MAP2: variants seen among roughly 807,000 people sequenced by gnomAD.
MAP2 encodes microtubule-associated protein 2.
MAP2 carries 14 observed loss-of-function variants against 137.6 expected under a neutral mutation model. The ratio of observed to expected loss-of-function variants is 0.10; its 90% CI spans 0.07 to 0.16. MAP2 has a LOEUF of 0.16. MAP2 is among the 10% of genes least tolerant of loss of function. The pLI is 1.00. For synonymous variants in MAP2, 786 were observed against 782.3 expected (o/e 1.00, Z -0.08); for missense variants, 2,088 against 2,191.5 (o/e 0.95, Z 0.94).
Position 209,678,714 on chromosome 2 carries a change from C to CTG in MAP2, c.376+33_376+34dup, listed in dbSNP as rs757346824. On this transcript the variant is annotated intron_variant, in intron 6 of 15. Coordinates refer to ENST00000682079, the MANE Select transcript of MAP2 (RefSeq NM_001375505.1). ...AATAAGAAGATTCTCAGGTCAGGGACTGTGTCTGTTGCACCCTGATCACAG... is the reference window on the plus strand; with the variant it reads ...AATAAGAAGATTCTCAGGTCAGGGACTGTGTGTCTGTTGCACCCTGATCACAG... 2.5e-5 allele frequency: 35 copies of CTG among 1,383,078 alleles called. No individual in the cohort carries two copies. The Admixed American group carries it at 3.8e-4, about 15-fold the overall frequency. 85.7% of individuals were successfully genotyped at this position (1,383,078 alleles called of 1,614,324 possible).
In MAP2 at chr2:209,697,086, A is replaced by G. The variant is rs763705792; in HGVS notation, c.4522+35A>G. 2.6e-6 allele frequency: 4 copies of G among 1,536,116 alleles called. No individual in the cohort carries two copies. In the Admixed American group the frequency reaches 7.1e-5, roughly 27 times the overall value. ...CAATTCTGCAATGTGACTGGCAAAC[A>G]TAGACATGTATTTTTTTTTTAAATC... On this transcript the variant is annotated intron_variant, in intron 10 of 15. Transcript: ENST00000682079.
chr2:209,723,637 T>C, intron 13 of MAP2: 1 of 1,614,056 alleles, frequency 6.2e-7, no homozygotes, highest in Admixed American at 1.7e-5. Flanking sequence ...CAAAGTTCAG[T>C]CCAGATGTGG....
intron 1 of MAP2, among the ~76,000 whole-genome samples, chr2:209,431,667 C>T (rs1694322319): frequency 6.6e-6 from 1 of 152,076 alleles, no homozygotes; most frequent in African/African-American, 2.4e-5. Flanking sequence ...AATTCAGGCT[C>T]AAACTCAGTG....
At chr2:209,512,982 C>A (rs1165419662) in intron 2 of MAP2, among the ~76,000 whole-genome samples, 1 of 151,974 alleles carries the variant, frequency 6.6e-6, no homozygotes, top group East Asian at 1.9e-4. Context: ...TTTAAACTGG[C>A]CAGAAAGTAA....
In MAP2 at chr2:209,693,407, G is replaced by A. The variant is rs2059440231; in HGVS notation, c.1237G>A (p.Glu413Lys). The A allele has an allele frequency of 6.8e-6, 11 of 1,613,214 alleles. No homozygotes were observed. The highest frequency in any genetic ancestry group is 6.8e-6 in the Non-Finnish European group (8 of 1,179,840). Residue 413 changes from glutamate to lysine, a missense_variant, in exon 8 of 16, where the codon GAG becomes AAG. Around this residue, in one of 6 missense-constraint regions of MAP2, gnomAD observed 859 missense variants for 794.5 expected, o/e 1.08. Transcript: ENST00000682079. ...GGGGAAAGTTTTAGAGGAAGAAAAG[G>A]AGGCCATAAATCAAGAGACTGTGCA... ...VMGKVLEEEK[E>K]AINQETVQQR...
At chr2:209,641,668 A>T (rs2094031957) in intron 4 of MAP2, among the ~76,000 whole-genome samples, 1 of 151,612 alleles carries the variant, frequency 6.6e-6, no homozygotes, top group Admixed American at 6.6e-5. Context: ...TAATTCCTTA[A>T]TTAAATATCA....
intron 2 of MAP2, among the ~76,000 whole-genome samples, chr2:209,553,343 T>C (rs535129935): frequency 3.6e-4 from 55 of 152,264 alleles, no homozygotes; most frequent in African/African-American, 1.3e-3. Context: ...GGCAGTATGG[T>C]ACAGCGAGAA....
In MAP2 at chr2:209,730,529, T is replaced by A; in HGVS notation, c.*132T>A. The stretch of plus-strand genomic sequence containing the variant: ...AATCTCATCCCCAAACTGTAGTAAT[T>A]GTTACAATTTTCTATTTAAAAAATG... On this transcript the variant is annotated 3_prime_UTR_variant, in exon 16 of 16. Coordinates refer to ENST00000682079, the MANE Select transcript of MAP2 (RefSeq NM_001375505.1). 1 of 670,714 alleles carries A rather than the reference T, an allele frequency of 1.5e-6. No homozygotes were observed. Among genetic ancestry groups the A allele is most frequent in the Middle Eastern group, 3.7e-4 (1 of 2,682 alleles). 41.5% of individuals were successfully genotyped at this position (670,714 alleles called of 1,614,324 possible). A position where few individuals can be genotyped will look rare whatever the true frequency, so the allele number is the denominator to read the frequency against.
chr2:209,607,507 T>A (rs1042983148), intron 3 of MAP2, among the ~76,000 whole-genome samples: 1 of 152,224 alleles, frequency 6.6e-6, no homozygotes, highest in Non-Finnish European at 1.5e-5. Context: ...CAATCTCAGC[T>A]CATTGCAACC....
intron 11 of MAP2, among the ~76,000 whole-genome samples, chr2:209,702,735 G>A (rs1457049742): frequency 6.6e-6 from 1 of 151,694 alleles, no homozygotes; most frequent in Non-Finnish European, 1.5e-5. Flanking sequence ...TTGTGGGTAG[G>A]ATCAATAAAA....
At chr2:209,432,284 C>T (rs1694492014) in intron 1 of MAP2, among the ~76,000 whole-genome samples, 1 of 152,126 alleles carries the variant, frequency 6.6e-6, no homozygotes, top group Non-Finnish European at 1.5e-5. Flanking sequence ...TACCTTCCTA[C>T]TCTTATGTGC....
chr2:209,575,969 C>T (rs2075310198), intron 2 of MAP2, among the ~76,000 whole-genome samples: 1 of 152,108 alleles, frequency 6.6e-6, no homozygotes, highest in Non-Finnish European at 1.5e-5. Flanking sequence ...TGAGCAAAGG[C>T]TTTAAGGAGG....
At chr2:209,688,205 A>AAGAGAGAGAGAAAG (rs1171486329) in intron 7 of MAP2, among the ~76,000 whole-genome samples, 1 of 152,074 alleles carries the variant, frequency 6.6e-6, no homozygotes, top group Non-Finnish European at 1.5e-5. Flanking sequence ...AAGGAAGAAA[A>AAGAGAGAGAGAAAG]AGAGAGAGAG....
At chr2:209,536,975 T>C (rs1323443132) in intron 2 of MAP2, among the ~76,000 whole-genome samples, 6 of 152,092 alleles carry the variant, frequency 3.9e-5, no homozygotes, top group Non-Finnish European at 8.8e-5. Flanking sequence ...TGGCGGGACA[T>C]GTGTTTTATA....
intron 7 of MAP2, among the ~76,000 whole-genome samples, chr2:209,688,377 G>T (rs2057790118): frequency 6.6e-6 from 1 of 151,830 alleles, no homozygotes; most frequent in Admixed American, 6.6e-5. Context: ...CTATTAAATA[G>T]CATCTTTAAA....
At chr2:209,574,204 A>G (rs929577561) in intron 2 of MAP2, among the ~76,000 whole-genome samples, 1 of 152,056 alleles carries the variant, frequency 6.6e-6, no homozygotes, top group Non-Finnish European at 1.5e-5. Flanking sequence ...ATTCCCTGCC[A>G]CTGCCAAACT....
At chr2:209,501,037 C>A (rs199522450) in intron 1 of MAP2, among the ~76,000 whole-genome samples, 1,924 of 115,000 alleles carry the variant, frequency 0.017, no homozygotes, top group Middle Eastern at 0.019. Flanking sequence ...GACCCTGTCT[C>A]AAAAAAAAAA....
chr2:209,649,666 A>G (rs2094648370), intron 4 of MAP2, among the ~76,000 whole-genome samples: 1 of 152,154 alleles, frequency 6.6e-6, no homozygotes, highest in Admixed American at 6.5e-5. Context: ...TTAGTTTGAA[A>G]TCTCCTAAAA....
chr2:209,593,706 ATT>A (rs1559371630), intron 3 of MAP2, among the ~76,000 whole-genome samples: 17 of 88,214 alleles, frequency 1.9e-4, no homozygotes, highest in African/African-American at 7.6e-4. Flanking sequence ...ATTATATTAT[ATT>A]TTATATTATA....
Sources: allele counts gnomAD v4.1 joint callset (sites outside exome capture counted in the v4.1 genomes callset), GRCh38; gene constraint gnomAD v4.1.1; regional missense constraint gnomAD v4.1.1; transcripts MANE v1.5; gene names NCBI Gene and HGNC (gene_info 2026-07-23, HGNC 2026-07-21).